PHKB: variants seen among roughly 807,000 people sequenced by gnomAD.
The protein encoded by PHKB is phosphorylase b kinase regulatory subunit beta.
PHKB carries 122 observed loss-of-function variants against 152.1 expected under a neutral mutation model. The observed-to-expected ratio is 0.80, with a 90% confidence interval of 0.69 to 0.93. PHKB has a LOEUF of 0.93. PHKB is among the 40% of genes least tolerant of loss of function. The pLI, the probability that PHKB is intolerant of heterozygous loss-of-function variation, is 0.00. For missense variants in PHKB, 1,304 were observed against 1,328.4 expected (o/e 0.98, Z 0.29); for synonymous variants, 436 against 464.9 (o/e 0.94, Z 0.80).
At chr16:47,679,332 T>C (rs1283961647) in intron 26 of PHKB, among the ~76,000 whole-genome samples, 4 of 152,236 alleles carry the variant, frequency 2.6e-5, no homozygotes, top group African/African-American at 9.6e-5. Flanking sequence ...TTGATGGGGA[T>C]GACATTGAAT....
chr16:47,698,320 C>A, intron 29 of PHKB, 128 bp from the exon 30 acceptor site: 1 of 766,258 alleles, frequency 1.3e-6, no homozygotes, highest in Non-Finnish European at 2.3e-6. Context: ...AAGATTCCTT[C>A]CATAGGTGAT....
chr16:47,516,734 T>G (rs1006905707), intron 6 of PHKB, among the ~76,000 whole-genome samples: 5 of 152,194 alleles, frequency 3.3e-5, no homozygotes, highest in African/African-American at 7.2e-5. Context: ...GAGTTTATAG[T>G]CTCATACAAT....
chr16:47,547,571 T>C, intron 7 of PHKB, 23 bp downstream of exon 7: 1 of 1,300,376 alleles, frequency 7.7e-7, no homozygotes, highest in Non-Finnish European at 1.1e-6. Context: ...TTTCTGAGGT[T>C]TTTTTTTTAA....
chr16:47,609,311 G>A (rs1203721973), intron 13 of PHKB, among the ~76,000 whole-genome samples: 1 of 151,972 alleles, frequency 6.6e-6, no homozygotes, highest in East Asian at 1.9e-4. Flanking sequence ...CTAGTATTTT[G>A]TTGAGGATTT....
chr16:47,666,395 A>C (rs929147633), intron 25 of PHKB, among the ~76,000 whole-genome samples: 1 of 152,176 alleles, frequency 6.6e-6, no homozygotes. Context: ...TCTGCTCCAC[A>C]TGAGATCTCC....
At chr16:47,614,747 C>A (rs550625253) in intron 14 of PHKB, among the ~76,000 whole-genome samples, 2 of 152,284 alleles carry the variant, frequency 1.3e-5, no homozygotes, top group South Asian at 4.1e-4. Flanking sequence ...ATTTTTGCTT[C>A]AACCATAAAC....
In PHKB at chr16:47,698,589, G is replaced by C. The variant is rs1382531637; in HGVS notation, c.3144+1G>C. 1.0e-6 allele frequency: 1 copy of C among 985,774 alleles called. No individual in the cohort carries two copies. Among genetic ancestry groups the C allele is most frequent in the Non-Finnish European group, 1.5e-6 (1 of 673,612 alleles). The allele number at this position is 985,774 out of a possible 1,614,324, so 61.1% of individuals were successfully genotyped here. On this transcript the variant is annotated splice_donor_variant, in intron 30 of 30. Transcript: ENST00000323584. LOFTEE classifies it high-confidence loss of function. ...TCGGCTAAAGGAAATTGAAAAACAA[G>C]TAAGTACACAGCTTTTTTTTTTTTT... is the stretch of plus-strand genomic sequence containing the variant.
Position 47,527,954 on chromosome 16 carries a change from G to T in PHKB, c.594+12353G>T, listed in dbSNP as rs574200235. On this transcript the variant is annotated intron_variant, in intron 6 of 30. Coordinates refer to ENST00000323584, the MANE Select transcript of PHKB (RefSeq NM_000293.3). ...ACACCTTGGTCTTAGACTTCCCACTGTCAGAACTGTGGAAAGAGAAATTTC... is the reference window on the plus strand; with the variant it reads ...ACACCTTGGTCTTAGACTTCCCACTTTCAGAACTGTGGAAAGAGAAATTTC... Among the ~76,000 whole-genome samples, 90 of 152,304 alleles carry T rather than the reference G, an allele frequency of 5.9e-4. No homozygotes were observed. In the South Asian group the frequency reaches 0.017, roughly 28 times the overall value.
chr16:47,554,137 C>G (rs150542228), intron 7 of PHKB, among the ~76,000 whole-genome samples: 21 of 152,294 alleles, frequency 1.4e-4, no homozygotes, highest in Non-Finnish European at 3.1e-4. Context: ...TGCCCCTTCC[C>G]TCTGTCCCAG....
intron 27 of PHKB, among the ~76,000 whole-genome samples, chr16:47,690,677 A>T (rs548608349): frequency 1.3e-5 from 2 of 152,126 alleles, no homozygotes; most frequent in East Asian, 3.9e-4. Flanking sequence ...ATAGGATGAC[A>T]AAAATAGACA....
intron 25 of PHKB, chr16:47,665,193 C>T (rs1973516900): frequency 3.9e-6 from 2 of 515,320 alleles, no homozygotes; most frequent in Admixed American, 3.3e-5. Flanking sequence ...TATAAGTCAG[C>T]TTCTGTGGAT....
intron 8 of PHKB, among the ~76,000 whole-genome samples, chr16:47,583,912 C>T (rs975169473): frequency 2.6e-5 from 4 of 151,888 alleles, no homozygotes; most frequent in African/African-American, 4.8e-5. Flanking sequence ...TTGCCTTTTG[C>T]CCCTGGCTTC....
chr16:47,537,872 T>TTCTCTCTCTCTC (rs34841624), intron 6 of PHKB, among the ~76,000 whole-genome samples: 16 of 143,500 alleles, frequency 1.1e-4, no homozygotes, highest in African/African-American at 3.6e-4. Context: ...ACGTGGAAAA[T>TTCTCTCTCTCTC]TCTCTCTCTC....
rs765671266 is a variant in PHKB at position 47,661,704 on chromosome 16, G to C, written c.2197-15G>C. On this transcript the variant is annotated splice_polypyrimidine_tract_variant and intron_variant, in intron 22 of 30. Coordinates refer to ENST00000323584, the MANE Select transcript of PHKB (RefSeq NM_000293.3). ...CCATTTCATTCCAGTTCCTCACCGT[G>C]ATTTATATTTTCAGGATTGCAGTTG... The C allele has an allele frequency of 6.3e-7, 1 of 1,590,254 alleles. No individual in the cohort carries two copies. The highest frequency in any genetic ancestry group is 8.6e-7 in the Non-Finnish European group (1 of 1,158,414).
chr16:47,558,668 CCT>C (rs1971424566), intron 7 of PHKB, among the ~76,000 whole-genome samples: 1 of 152,174 alleles, frequency 6.6e-6, no homozygotes, highest in Non-Finnish European at 1.5e-5. Flanking sequence ...CCTGCCTCAG[CCT>C]CTCTAGTAGC....
chr16:47,665,237 A>C, intron 25 of PHKB: 1 of 416,296 alleles, frequency 2.4e-6, no homozygotes, highest in Non-Finnish European at 4.4e-6. Context: ...AGCCAGTTTC[A>C]AACCTACATT....
chr16:47,581,487 C>T (rs959876312), intron 8 of PHKB, among the ~76,000 whole-genome samples: 8 of 152,164 alleles, frequency 5.3e-5, no homozygotes, highest in African/African-American at 1.9e-4. Flanking sequence ...GACAGGATCA[C>T]TGCATGCTCT....
chr16:47,645,037 A>C (rs2151728251), intron 16 of PHKB, among the ~76,000 whole-genome samples: 1 of 152,372 alleles, frequency 6.6e-6, no homozygotes, highest in Non-Finnish European at 1.5e-5. Flanking sequence ...TCTTGAAATA[A>C]AAAAGAATGC....
intron 8 of PHKB, among the ~76,000 whole-genome samples, chr16:47,584,007 A>T (rs1462834870): frequency 6.6e-6 from 1 of 152,002 alleles, no homozygotes; most frequent in Non-Finnish European, 1.5e-5. Context: ...TATGATTATT[A>T]TGCGTTCCTA....
Sources: allele counts gnomAD v4.1 joint callset (sites outside exome capture counted in the v4.1 genomes callset), GRCh38; gene constraint gnomAD v4.1.1; transcripts MANE v1.5; gene names NCBI Gene and HGNC (gene_info 2026-07-23, HGNC 2026-07-21).